The following CCDC171 variants were observed in gnomAD, a reference collection of about 807,000 sequenced individuals.
The protein encoded by CCDC171 is coiled-coil domain-containing protein 171.
CCDC171 carries 177 observed loss-of-function variants against 168.2 expected under a neutral mutation model. That is an observed-to-expected ratio of 1.05 (90% CI 0.93 to 1.19). CCDC171 has a LOEUF of 1.19. Ranked by LOEUF, CCDC171 falls within the 50% of genes most tolerant of loss-of-function variation. The pLI, the probability that CCDC171 is intolerant of heterozygous loss-of-function variation, is 0.00. For synonymous variants in CCDC171, 687 were observed against 540.8 expected, an observed-to-expected ratio of 1.27 and a Z score of -3.75; for missense variants, 1,991 against 1,539.0, an observed-to-expected ratio of 1.29 and a Z score of -4.91.
At chr9:15,590,771 C>CTCTCTCTT (rs1554693024) in intron 4 of CCDC171, among the ~76,000 whole-genome samples, 3 of 122,520 alleles carry the variant, frequency 2.4e-5, no homozygotes, top group African/African-American at 6.4e-5. Flanking sequence ...TTCTTTCTTT[C>CTCTCTCTT]TCTTTCTTTC....
At chr9:16,059,341 T>C (rs2133083542) in intron 1 of CCDC171, among the ~76,000 whole-genome samples, 1 of 152,242 alleles carries the variant, frequency 6.6e-6, no homozygotes, top group African/African-American at 2.4e-5. Flanking sequence ...GAATATTCTT[T>C]AGAAACTACG....
At chr9:16,048,760 T>A (rs1833702047) in intron 1 of CCDC171, among the ~76,000 whole-genome samples, 1 of 152,132 alleles carries the variant, frequency 6.6e-6, no homozygotes, top group South Asian at 2.1e-4. Context: ...AAAGTGGGGA[T>A]AATATCATAG....
At chr9:15,781,745 A>T (rs571507356) in intron 20 of CCDC171, among the ~76,000 whole-genome samples, 4 of 152,310 alleles carry the variant, frequency 2.6e-5, no homozygotes, top group African/African-American at 9.6e-5. Context: ...TCCTATAATT[A>T]TAAGTTATGA....
At position 15,818,583 on chromosome 9, in the gene CCDC171, A is replaced by G. The variant is rs527823496; in HGVS notation, c.3268-28119A>G. On this transcript the variant is annotated intron_variant, in intron 21 of 25. Coordinates refer to ENST00000380701, the MANE Select transcript of CCDC171 (RefSeq NM_173550.4). Reference sequence around the variant, plus strand: ...TCAGTAGCTGATTCGATCAACTAGAAGAAAGTATCAGCGATGGAAGATGAA... The same window carrying G: ...TCAGTAGCTGATTCGATCAACTAGAGGAAAGTATCAGCGATGGAAGATGAA... Among the ~76,000 whole-genome samples the G allele has an allele frequency of 2.5e-4, 30 of 118,416 alleles. 5 individuals carry two copies. Among genetic ancestry groups the G allele is most frequent in the African/African-American group, 8.2e-4 (26 of 31,548 alleles). 77.7% of individuals were successfully genotyped at this position (118,416 alleles called of 152,430 possible).
chr9:16,019,276 G>A (rs1011799339), intron 3 of CCDC171, among the ~76,000 whole-genome samples: 9 of 152,168 alleles, frequency 5.9e-5, no homozygotes, highest in Non-Finnish European at 1.2e-4. Context: ...GAGAAGCCAA[G>A]TTCCGCTAGG....
intron 6 of CCDC171, among the ~76,000 whole-genome samples, chr9:15,595,379 A>G (rs1418338878): frequency 1.3e-5 from 2 of 152,060 alleles, no homozygotes; most frequent in African/African-American, 2.4e-5. Context: ...ATTCCCACCT[A>G]TGAGTGAGAA....
the CCDC171 span, among the ~76,000 whole-genome samples, chr9:16,085,937 C>A: frequency 2.6e-5 from 4 of 152,040 alleles, no homozygotes; most frequent in Non-Finnish European, 5.9e-5. Context: ...TTTATTGTTA[C>A]GTCTCTGCCA....
intron 3 of CCDC171, among the ~76,000 whole-genome samples, chr9:15,988,618 C>T (rs541218211): frequency 1.4e-4 from 21 of 152,274 alleles, no homozygotes; most frequent in Admixed American, 4.6e-4. Flanking sequence ...CATGAGCCAA[C>T]GCAGGGCGAG....
intron 7 of CCDC171, among the ~76,000 whole-genome samples, chr9:15,632,126 T>C (rs1276642573): frequency 2.0e-5 from 3 of 151,686 alleles, no homozygotes; most frequent in East Asian, 3.9e-4. Context: ...AGGGATGCCC[T>C]CTCTCACCAC....
At chr9:15,955,883 A>T (rs1180355298) in intron 25 of CCDC171, among the ~76,000 whole-genome samples, 2 of 152,154 alleles carry the variant, frequency 1.3e-5, no homozygotes, top group East Asian at 3.9e-4. Flanking sequence ...CTTATAACAA[A>T]TTATAATAAG....
chr9:15,766,303 T>TGTTAGCTTGAAAATAAGGTGAC (rs2056719204), intron 18 of CCDC171, among the ~76,000 whole-genome samples: 1 of 152,148 alleles, frequency 6.6e-6, no homozygotes, highest in Non-Finnish European at 1.5e-5. Context: ...TCATGAAATT[T>TGTTAGCTTGAAAATAAGGTGAC]GTTAGCTTGA....
intron 25 of CCDC171, among the ~76,000 whole-genome samples, chr9:15,950,513 C>T (rs1829015545): frequency 6.6e-6 from 1 of 152,072 alleles, no homozygotes; most frequent in South Asian, 2.1e-4. Flanking sequence ...ATTTCATATC[C>T]AGCCAAACTA....
chr9:15,899,406 T>G (rs2131610164), intron 24 of CCDC171, among the ~76,000 whole-genome samples: 1 of 152,316 alleles, frequency 6.6e-6, no homozygotes, highest in Non-Finnish European at 1.5e-5. Context: ...TTTAAAAAAC[T>G]GTCAAACTGT....
intron 1 of CCDC171, among the ~76,000 whole-genome samples, chr9:16,046,924 G>A (rs143490930): frequency 5.3e-5 from 8 of 152,222 alleles, no homozygotes; most frequent in African/African-American, 1.2e-4. Flanking sequence ...ACCTTCAGTC[G>A]TTCCCCAGGC....
At position 16,056,136 on chromosome 9, in the gene CCDC171, T is replaced by C. The variant is rs578234191; in HGVS notation, n.90-4510T>C. On this transcript the variant is annotated intron_variant and non_coding_transcript_variant, in intron 1 of 1. Transcript: ENST00000478913. The stretch of plus-strand genomic sequence containing the variant: ...AAAAAAACCCAAACATTATAAATAA[T>C]CTGCTAAATTATTAATAGTGGTTTT... Among the ~76,000 whole-genome samples the C allele has an allele frequency of 3.9e-5, 6 of 152,346 alleles. No homozygotes were observed. The South Asian group carries it at 1.0e-3, about 26-fold the overall frequency.
chr9:15,640,769 C>T (rs550765063), intron 7 of CCDC171, among the ~76,000 whole-genome samples: 2 of 152,076 alleles, frequency 1.3e-5, no homozygotes, highest in South Asian at 2.1e-4. Flanking sequence ...ATGACTCTAG[C>T]GATTAAGTGA....
intron 7 of CCDC171, among the ~76,000 whole-genome samples, chr9:15,643,690 G>A (rs2046814796): frequency 6.6e-6 from 1 of 152,068 alleles, no homozygotes; most frequent in Non-Finnish European, 1.5e-5. Flanking sequence ...ACCCCACTAA[G>A]AAATTTCATA....
At chr9:15,911,840 C>T (rs1823692168) in intron 24 of CCDC171, among the ~76,000 whole-genome samples, 1 of 152,140 alleles carries the variant, frequency 6.6e-6, no homozygotes, top group African/African-American at 2.4e-5. Context: ...TCAGGTTTGT[C>T]AAAGATCAGA....
intron 10 of CCDC171, among the ~76,000 whole-genome samples, chr9:15,693,444 G>A (rs1468324924): frequency 6.7e-6 from 1 of 148,232 alleles, no homozygotes; most frequent in Non-Finnish European, 1.5e-5. Flanking sequence ...TGTTGCCTAG[G>A]GGAAACACTG....
Sources: gnomAD v4.1 joint callset for allele counts (sites outside exome capture counted in the v4.1 genomes callset) on GRCh38, gnomAD v4.1.1 for gene constraint, MANE v1.5 for transcripts, NCBI Gene and HGNC (gene_info 2026-07-23, HGNC 2026-07-21) for gene names.